Variants in PLA2G6 observed in about 807,000 individuals in gnomAD.
The protein encoded by PLA2G6 is 85/88 kDa calcium-independent phospholipase A2.
In PLA2G6, 62 loss-of-function variants were observed where a neutral mutation model predicts 83.8. The observed-to-expected ratio is 0.74, with a 90% CI of 0.60 to 0.91. The LOEUF (loss-of-function observed/expected upper bound fraction) is 0.91. Ranked by LOEUF, PLA2G6 falls within the 40% of genes least tolerant of loss-of-function variation. The probability of loss-of-function intolerance (pLI) is 0.00; values close to 1 mark genes in which losing one functional copy is unlikely to be tolerated. For synonymous variants in PLA2G6, 417 were observed against 449.8 expected (o/e 0.93, Z 0.92); for missense variants, 944 against 1,102.0 (o/e 0.86, Z 2.03).
intron 4 of PLA2G6, chr22:38,142,760 G>A: frequency 2.6e-6 from 1 of 388,036 alleles, no homozygotes; most frequent in South Asian, 2.2e-5. Flanking sequence ...AGGTCCCGCT[G>A]GCCCACGAGC....
intron 4 of PLA2G6, chr22:38,142,775 C>T (rs2088997073): frequency 7.4e-6 from 3 of 404,230 alleles, no homozygotes; most frequent in South Asian, 6.5e-5. Context: ...ACGAGCCCCT[C>T]CAGGCAGGCA....
intron 3 of PLA2G6, 65 bp downstream of exon 3, chr22:38,145,373 G>A: frequency 3.7e-6 from 5 of 1,335,602 alleles, no homozygotes; most frequent in South Asian, 2.5e-5. Context: ...CGAGGCCTGC[G>A]GCCCCCACTG....
intron 4 of PLA2G6, 136 bp downstream of exon 4, chr22:38,142,969 T>G (rs1323704876): frequency 2.4e-6 from 2 of 838,782 alleles, no homozygotes; most frequent in Non-Finnish European, 4.1e-6. Flanking sequence ...GCACCCTCCA[T>G]GAAGGAGCTC....
intron 2 of PLA2G6, among the ~76,000 whole-genome samples, chr22:38,151,090 G>A (rs1287271515): frequency 1.3e-5 from 2 of 152,154 alleles, no homozygotes; most frequent in South Asian, 2.1e-4. Flanking sequence ...AAATGCCAAT[G>A]AGAATTCTGT....
At chr22:38,147,652 T>G (rs1199011533) in intron 2 of PLA2G6, 1 of 154,122 alleles carries the variant, frequency 6.5e-6, no homozygotes. Flanking sequence ...GTGATTCTCC[T>G]GCAATTCTCC....
At chr22:38,151,055 A>G (rs901359774) in intron 2 of PLA2G6, among the ~76,000 whole-genome samples, 1 of 152,218 alleles carries the variant, frequency 6.6e-6, no homozygotes. Context: ...TGGGCCACAG[A>G]GCAAGACTCT....
intron 12 of PLA2G6, among the ~76,000 whole-genome samples, chr22:38,116,851 C>CAAAAAAAAAAAAAAAAAAAAAAAAAA (rs57712042): frequency 2.1e-4 from 8 of 37,658 alleles, no homozygotes; most frequent in African/African-American, 2.6e-4. Flanking sequence ...AACTCCGTCT[C>CAAAAAAAAAAAAAAAAAAAAAAAAAA]AAAAAAAAAA....
chr22:38,125,808 G>A (rs2087818474), intron 10 of PLA2G6: 6 of 438,316 alleles, frequency 1.4e-5, no homozygotes, highest in Admixed American at 2.5e-5. Flanking sequence ...CACAGTGGCT[G>A]GAAACGCATT....
intron 8 of PLA2G6, among the ~76,000 whole-genome samples, chr22:38,129,022 C>A (rs971321190): frequency 7.2e-5 from 11 of 152,244 alleles, no homozygotes; most frequent in African/African-American, 2.7e-4. Context: ...GCTCACTGTG[C>A]GAGCGTGCAG....
intron 5 of PLA2G6, 187 bp from the exon 6 acceptor site, chr22:38,135,271 C>T (rs530139681): frequency 1.2e-5 from 7 of 596,430 alleles, no homozygotes; most frequent in Admixed American, 1.0e-4. Flanking sequence ...AACTAACCCC[C>T]TCCTCCAGGA....
In PLA2G6 at chr22:38,132,845, G is replaced by A. The variant is rs777460339; in HGVS notation, c.1063C>T (p.His355Tyr). Residue 355 changes from histidine (H) to tyrosine (Y), a missense_variant, in exon 7 of 17, where the codon CAC becomes TAC. Transcript: ENST00000332509. This position sits in a 1 kb window ranked among gnomAD's most constrained non-coding sequence, Gnocchi z 5.0. ...CCTGGGCTCACCGACATGGCCAGGT[G>A]CAGCGGGGTGTTGCCGTGCTCTCCG... The part of the protein sequence containing the change: ...ARGEHGNTPL[H>Y]LAMSKDNVEM... 1.3e-6 allele frequency: 2 copies of A among 1,548,334 alleles called. No individual in the cohort carries two copies. The highest frequency in any genetic ancestry group is 1.7e-6 in the Non-Finnish European group (2 of 1,148,028).
chr22:38,180,628 C>T (rs1166106810), intron 1 of PLA2G6, among the ~76,000 whole-genome samples: 1 of 152,228 alleles, frequency 6.6e-6, no homozygotes, highest in East Asian at 1.9e-4. Flanking sequence ...TCCTTGTCTT[C>T]TCATTCTAGC....
chr22:38,116,492 T>C, intron 12 of PLA2G6: 1 of 590,194 alleles, frequency 1.7e-6, no homozygotes, highest in South Asian at 1.5e-5. Flanking sequence ...TGATAAAACA[T>C]GGCTGTTATC....
intron 4 of PLA2G6, 145 bp from the exon 5 acceptor site, chr22:38,140,314 C>G (rs1347459263): frequency 1.4e-6 from 1 of 709,116 alleles, no homozygotes; most frequent in Non-Finnish European, 2.5e-6. Flanking sequence ...TTGAGACCAG[C>G]CTGGCCAACA....
rs762715738 is a variant in PLA2G6, at chr22:38,135,079, G to C, written c.803C>G (p.Ala268Gly). The C allele has an allele frequency of 1.2e-6, 2 of 1,608,852 alleles. No individual in the cohort carries two copies. The highest frequency in any genetic ancestry group is 1.7e-6 in the Non-Finnish European group (2 of 1,176,458). ...SAMKFSQKGC[A>G]EMIISMDSSQ... The stretch of plus-strand genomic sequence containing the variant: ...GCTGTCCATGCTGATGATCATCTCC[G>C]CACACCTGGTGAGAGAGGGGCCCCG... Residue 268 changes from alanine (A) to glycine (G), a missense_variant, in exon 6 of 17, where the codon GCG becomes GGG. Ala to Gly is a moderately conservative substitution (Grantham distance 60). Transcript: ENST00000332509.
intron 2 of PLA2G6, among the ~76,000 whole-genome samples, chr22:38,161,990 A>G (rs1480607801): frequency 1.3e-5 from 2 of 152,222 alleles, no homozygotes; most frequent in East Asian, 3.9e-4. Flanking sequence ...ATATCACCTG[A>G]GGTCAGGAGT....
chr22:38,132,819 T>C lies in PLA2G6; in HGVS notation c.1077+12A>G. 5.2e-6 allele frequency: 8 copies of C among 1,542,368 alleles called. No individual in the cohort carries two copies. The highest frequency in any genetic ancestry group is 7.0e-6 in the Non-Finnish European group (8 of 1,146,700). ...GGGCCCCACAGGGCAGGACACGCGGTCCTGGGCTCACCGACATGGCCAGGT... is the reference window on the plus strand; with the variant it reads ...GGGCCCCACAGGGCAGGACACGCGGCCCTGGGCTCACCGACATGGCCAGGT... On this transcript the variant is annotated intron_variant, in intron 7 of 16. Coordinates refer to ENST00000332509, the MANE Select transcript of PLA2G6 (RefSeq NM_003560.4). The surrounding 1 kb of genome is among the most constrained non-coding windows in gnomAD (Gnocchi z 5.0).
intron 2 of PLA2G6, among the ~76,000 whole-genome samples, chr22:38,163,179 C>G (rs1029279410): frequency 6.6e-6 from 1 of 152,210 alleles, no homozygotes; most frequent in East Asian, 1.9e-4. Context: ...AGTTTCAAAG[C>G]CCAGCACAGG....
Position 38,115,657 on chromosome 22 carries a change from C to A in PLA2G6, c.1904G>T (p.Arg635Leu), listed in dbSNP as rs387906863. The A allele has an allele frequency of 6.5e-6, 10 of 1,534,844 alleles. No individual in the cohort carries two copies. In the South Asian group the frequency reaches 1.3e-4, roughly 19 times the overall value. ...GTAAGTAGGAGCTGCCCCGCTGCTTCGGGCCGCCCGCCACACCAGCTGGTC... is the reference window on the plus strand; with the variant it reads ...GTAAGTAGGAGCTGCCCCGCTGCTTAGGGCCGCCCGCCACACCAGCTGGTC... The part of the protein sequence containing the change: ...PSDQLVWRAA[R>L]SSGAAPTYFR... The change falls in exon 14 of 17, where the codon CGA becomes CTA. Residue 635 changes from arginine (R) to leucine (L), a missense_variant. Physicochemically the swap from Arg to Leu is moderately radical, Grantham distance 102. Transcript: ENST00000332509.
Sources: allele counts gnomAD v4.1 joint callset (sites outside exome capture counted in the v4.1 genomes callset), GRCh38; gene constraint gnomAD v4.1.1; non-coding constraint Gnocchi (gnomAD v3.1); transcripts MANE v1.5; gene names NCBI Gene and HGNC (gene_info 2026-07-23, HGNC 2026-07-21).